Variants in APBA2 observed in about 807,000 individuals in gnomAD.
The protein encoded by APBA2 is amyloid-beta A4 precursor protein-binding family A member 2.
APBA2 carries 30 observed loss-of-function variants against 75.0 expected under a neutral mutation model. The ratio of observed to expected loss-of-function variants is 0.40; its 90% CI spans 0.30 to 0.54. The LOEUF is 0.54. Ranked by LOEUF, APBA2 falls within the 20% of genes least tolerant of loss-of-function variation. The pLI is 0.49. For synonymous variants in APBA2, 444 were observed against 409.6 expected (o/e 1.08, Z -1.01); for missense variants, 801 against 1,016.1 (o/e 0.79, Z 2.88).
chr15:29,036,125 C>T (rs1009284951), intron 3 of APBA2, among the ~76,000 whole-genome samples: 3 of 152,156 alleles, frequency 2.0e-5, no homozygotes, highest in African/African-American at 7.2e-5. Flanking sequence ...CCCTTGTGTC[C>T]TTGTAGGCAG....
intron 14 of APBA2, 140 bp downstream of exon 14, chr15:29,114,156 C>T (rs1232630666): frequency 5.0e-5 from 66 of 1,325,458 alleles, no homozygotes; most frequent in South Asian, 1.6e-4. Flanking sequence ...GCTGCTGTGA[C>T]AAGGGTGAAT....
chr15:28,901,867 C>T (rs1466510191), intron 1 of APBA2, among the ~76,000 whole-genome samples: 1 of 144,664 alleles, frequency 6.9e-6, no homozygotes, highest in African/African-American at 2.6e-5. Flanking sequence ...ACACACAAAC[C>T]AGCATCGGGA....
rs187727069 is a variant in APBA2, at chr15:28,956,880, C to T, written c.-95+35131C>T. Reference sequence around the variant, plus strand: ...CAACGTCCTCACGGTGCACACACGTCGTAGTGTAGCACGTGTCACAGTCTC... The same window carrying T: ...CAACGTCCTCACGGTGCACACACGTTGTAGTGTAGCACGTGTCACAGTCTC... On this transcript the variant is annotated intron_variant, in intron 2 of 14. Coordinates refer to ENST00000683413, the MANE Select transcript of APBA2 (RefSeq NM_001353788.2). Among the ~76,000 whole-genome samples, 6 of 152,264 alleles carry T rather than the reference C, an allele frequency of 3.9e-5. No homozygotes were observed. In the East Asian group the frequency reaches 7.7e-4, roughly 20 times the overall value.
chr15:29,091,854 G>T, intron 6 of APBA2, among the ~76,000 whole-genome samples: 1 of 152,196 alleles, frequency 6.6e-6, no homozygotes. Flanking sequence ...GGGAAGTGCA[G>T]GATGGCTGGG....
chr15:29,095,435 GA>G (rs67934513), intron 8 of APBA2, among the ~76,000 whole-genome samples: 15 of 150,764 alleles, frequency 9.9e-5, no homozygotes, highest in African/African-American at 2.5e-4. Flanking sequence ...CATCTCAAAA[GA>G]AAAAAAAAAA....
intron 1 of APBA2, among the ~76,000 whole-genome samples, chr15:28,912,751 G>A (rs1392332433): frequency 6.6e-6 from 1 of 152,252 alleles, no homozygotes; most frequent in Non-Finnish European, 1.5e-5. Context: ...GATGTCAGAG[G>A]AGGACCCTAA....
At chr15:29,068,596 G>A (rs1566968975) in intron 4 of APBA2, among the ~76,000 whole-genome samples, 5 of 152,214 alleles carry the variant, frequency 3.3e-5, no homozygotes, top group African/African-American at 1.2e-4. Flanking sequence ...ACACAGAATG[G>A]CACCTGGTAT....
chr15:29,054,039 G>A lies in APBA2; in HGVS notation c.155G>A (p.Arg52Gln), dbSNP rs117098828. ...VPEGLELAALRPESPAPEEQE... is the reference protein window; with the variant it reads ...VPEGLELAALQPESPAPEEQE... ...GAGGGCCTGGAGCTGGCTGCCCTGC[G>A]GCCAGAGAGCCCCGCGCCAGAGGAA... The change falls in exon 4 of 15, where the codon CGG becomes CAG. Residue 52 changes from arginine (R) to glutamine (Q), a missense_variant. Around this residue, in one of 2 missense-constraint regions of APBA2, gnomAD observed 434 missense variants for 471.6 expected, o/e 0.92. Coordinates refer to ENST00000683413, the MANE Select transcript of APBA2 (RefSeq NM_001353788.2). This position sits in a 1 kb window ranked among gnomAD's most constrained non-coding sequence, Gnocchi z 6.1. 0.017 allele frequency: 27,163 copies of A among 1,613,814 alleles called. 290 individuals carry two copies. Among genetic ancestry groups the A allele is most frequent in the Non-Finnish European group, 0.02 (23,202 of 1,180,028 alleles).
intron 13 of APBA2, 142 bp downstream of exon 13, chr15:29,108,531 C>T: frequency 7.5e-7 from 1 of 1,341,088 alleles, no homozygotes; most frequent in Non-Finnish European, 1.0e-6. Flanking sequence ...AGCCAGGCCA[C>T]CTGGGGCAGG....
chr15:28,941,787 C>T lies in APBA2; in HGVS notation c.-95+20038C>T, dbSNP rs1354842823. Among the ~76,000 whole-genome samples, 9 of 152,208 alleles carry T rather than the reference C, an allele frequency of 5.9e-5. No homozygotes were observed. The East Asian group carries it at 7.7e-4, about 13-fold the overall frequency. On this transcript the variant is annotated intron_variant, in intron 2 of 14. Coordinates refer to ENST00000683413, the MANE Select transcript of APBA2 (RefSeq NM_001353788.2). ...ATTTATTTATTTAGAGATGGAGTCT[C>T]GCTCTTTCGCCCAGGCTGGAGCGCA... is the stretch of plus-strand genomic sequence containing the variant.
intron 3 of APBA2, among the ~76,000 whole-genome samples, chr15:29,031,064 G>A (rs993714992): frequency 6.6e-6 from 1 of 151,756 alleles, no homozygotes; most frequent in African/African-American, 2.4e-5. Flanking sequence ...GATTAATATT[G>A]CCATATGAGC....
At chr15:29,115,385 G>T (rs1007059090) in intron 14 of APBA2, among the ~76,000 whole-genome samples, 2 of 152,108 alleles carry the variant, frequency 1.3e-5, no homozygotes, top group South Asian at 4.1e-4. Flanking sequence ...CTGGACTGGT[G>T]GGGGCAGGGG....
At chr15:28,926,842 ACTCT>A (rs200294232) in intron 2 of APBA2, among the ~76,000 whole-genome samples, 180 of 140,808 alleles carry the variant, frequency 1.3e-3, no homozygotes, top group Admixed American at 2.0e-3. Context: ...ATTTCACTCC[ACTCT>A]CTCTCTCTCT....
rs1248859675 is a variant in APBA2 at position 28,918,924 on chromosome 15, A to C, written c.-204-2716A>C. On this transcript the variant is annotated intron_variant, in intron 1 of 14. Coordinates refer to ENST00000683413, the MANE Select transcript of APBA2 (RefSeq NM_001353788.2). This position sits in a 1 kb window ranked among gnomAD's most constrained non-coding sequence, Gnocchi z 4.2. ...TCCCAGGCTGGAGTGCAGTGGCGCT[A>C]TCTTGGCTCACTGCAAGCTCCGCCT... is the stretch of plus-strand genomic sequence containing the variant. Among the ~76,000 whole-genome samples, 1 of 150,818 alleles carries C rather than the reference A, an allele frequency of 6.6e-6. No homozygotes were observed. The highest frequency in any genetic ancestry group is 1.5e-5 in the Non-Finnish European group (1 of 67,840).
chr15:29,035,845 A>G (rs2040721129), intron 3 of APBA2, among the ~76,000 whole-genome samples: 1 of 152,186 alleles, frequency 6.6e-6, no homozygotes. Flanking sequence ...CTGCATGGGA[A>G]GGAACTGTTG....
chr15:29,056,124 G>A (rs919927693), intron 4 of APBA2, among the ~76,000 whole-genome samples: 3 of 152,218 alleles, frequency 2.0e-5, no homozygotes, highest in Non-Finnish European at 4.4e-5. Flanking sequence ...AAATGGCATC[G>A]CTAGCCAAGT....
At chr15:29,085,899 A>C (rs554923663) in intron 6 of APBA2, among the ~76,000 whole-genome samples, 1 of 152,212 alleles carries the variant, frequency 6.6e-6, no homozygotes, top group South Asian at 2.1e-4. Flanking sequence ...GTATATGTCT[A>C]TGTGGAAGGC....
Position 29,106,675 on chromosome 15 carries a change from C to A in APBA2, c.1773C>A (p.Ile591=), listed in dbSNP as rs1328614565. 1.2e-6 allele frequency: 2 copies of A among 1,612,898 alleles called. No homozygotes were observed. Among genetic ancestry groups the A allele is most frequent in the African/African-American group, 2.7e-5 (2 of 74,910 alleles). Residue 591 remains isoleucine (I), a synonymous_variant, in exon 12 of 15, where the codon ATC becomes ATA. Coordinates refer to ENST00000683413, the MANE Select transcript of APBA2 (RefSeq NM_001353788.2). ...TGGTGGAGTCGGGCTGGGGCTCCAT[C>A]CTGCCCACGGTGATCCTGGCCAACA... ...VVVVESGWGS[I]LPTVILANMM... is the part of the protein sequence containing the mutation.
chr15:28,985,723 A>T (rs1196208724), intron 2 of APBA2, among the ~76,000 whole-genome samples: 1 of 152,192 alleles, frequency 6.6e-6, no homozygotes, highest in African/African-American at 2.4e-5. Flanking sequence ...GGTCTCCTGG[A>T]TGTAACGAGT....
Sources: allele counts gnomAD v4.1 joint callset (sites outside exome capture counted in the v4.1 genomes callset), GRCh38; gene constraint gnomAD v4.1.1; regional missense constraint gnomAD v4.1.1; non-coding constraint Gnocchi (gnomAD v3.1); transcripts MANE v1.5; gene names NCBI Gene and HGNC (gene_info 2026-07-23, HGNC 2026-07-21).